Variants in NEBL observed in about 807,000 individuals in gnomAD.
NEBL encodes the protein LIM and SH3 protein 2.
In NEBL, 122 loss-of-function variants were observed where a neutral mutation model predicts 140.2. The observed-to-expected ratio is 0.87, with a 90% CI of 0.75 to 1.01. The LOEUF is 1.01. Ranked by LOEUF, NEBL falls within the 50% of genes least tolerant of loss-of-function variation. NEBL has a pLI of 0.00. For synonymous variants in NEBL, 436 were observed against 398.9 expected (o/e 1.09, Z -1.11); for missense variants, 1,365 against 1,231.3 (o/e 1.11, Z -1.62).
intron 2 of NEBL, among the ~76,000 whole-genome samples, chr10:21,070,258 A>G (rs1293477658): frequency 6.6e-6 from 1 of 152,192 alleles, no homozygotes; most frequent in Non-Finnish European, 1.5e-5. Flanking sequence ...CTATGAAAAG[A>G]AAAGCTGATT....
chr10:20,791,682 C>T (rs1835995726), intron 26 of NEBL, among the ~76,000 whole-genome samples: 1 of 152,042 alleles, frequency 6.6e-6, no homozygotes, highest in Non-Finnish European at 1.5e-5. Flanking sequence ...GGCGTGAGCA[C>T]TGCACCATGC....
intron 21 of NEBL, 156 bp from the exon 22 acceptor site, chr10:20,815,873 A>T: frequency 1.5e-6 from 1 of 653,378 alleles, no homozygotes; most frequent in Admixed American, 2.2e-5. Context: ...GGCTCAGGCA[A>T]TCCTCCCACC....
At chr10:20,984,208 A>C (rs1457690812) in intron 3 of NEBL, among the ~76,000 whole-genome samples, 4 of 152,110 alleles carry the variant, frequency 2.6e-5, no homozygotes, top group African/African-American at 9.7e-5. Flanking sequence ...AAAATCTAAT[A>C]TCAAACTTGT....
intron 2 of NEBL, among the ~76,000 whole-genome samples, chr10:21,035,734 C>T (rs1221928054): frequency 1.1e-5 from 1 of 94,206 alleles, no homozygotes; most frequent in Non-Finnish European, 2.4e-5. Context: ...TCCTTATTAC[C>T]TTCAAAATCA....
intron 1 of NEBL, among the ~76,000 whole-genome samples, chr10:21,260,225 C>G (rs1407843093): frequency 6.6e-6 from 1 of 152,202 alleles, no homozygotes; most frequent in Non-Finnish European, 1.5e-5. Flanking sequence ...ACTTCTGCAG[C>G]CTCTAGCCCT....
intron 19 of NEBL, among the ~76,000 whole-genome samples, chr10:20,821,718 C>T (rs1017693841): frequency 6.6e-6 from 1 of 152,094 alleles, no homozygotes; most frequent in African/African-American, 2.4e-5. Context: ...TACCGGAATG[C>T]CATAATGGTA....
chr10:21,000,988 C>T (rs1180397458), intron 3 of NEBL, among the ~76,000 whole-genome samples: 1 of 152,162 alleles, frequency 6.6e-6, no homozygotes, highest in Non-Finnish European at 1.5e-5. Context: ...AGGGTCCTGA[C>T]TTCCTGGTCA....
exon 1 of NEBL, chr10:21,174,168 C>G (rs1184186045): frequency 5.0e-6 from 2 of 398,906 alleles, no homozygotes; most frequent in South Asian, 9.6e-5. Context: ...TCCCCCGCCT[C>G]GCCGCCGCCG....
chr10:21,119,857 T>C (rs933128327), intron 2 of NEBL, among the ~76,000 whole-genome samples: 2 of 152,100 alleles, frequency 1.3e-5, no homozygotes, highest in African/African-American at 2.4e-5. Flanking sequence ...TACATTTAGA[T>C]GTCATATCTC....
At chr10:21,041,197 C>A (rs980975656) in intron 2 of NEBL, among the ~76,000 whole-genome samples, 1 of 152,206 alleles carries the variant, frequency 6.6e-6, no homozygotes, top group African/African-American at 2.4e-5. Context: ...TCAGTCCTCA[C>A]TCTCCTCCCA....
chr10:21,157,735 C>T (rs1383900222), intron 2 of NEBL, among the ~76,000 whole-genome samples: 2 of 152,042 alleles, frequency 1.3e-5, no homozygotes, highest in African/African-American at 4.8e-5. Context: ...GTATTGGAGT[C>T]CAAAAAGTGT....
chr10:21,207,444 T>A (rs1385444553), intron 3 of NEBL, among the ~76,000 whole-genome samples: 1 of 152,170 alleles, frequency 6.6e-6, no homozygotes, highest in Non-Finnish European at 1.5e-5. Context: ...ATTAACTCTA[T>A]AAAGATGGCA....
chr10:20,869,869 A>G (rs1844742820), intron 5 of NEBL, 28 bp from the exon 6 acceptor site: 4 of 1,380,446 alleles, frequency 2.9e-6, no homozygotes, highest in Non-Finnish European at 4.1e-6. Flanking sequence ...TGGTTAAAAA[A>G]TAAATAAATT....
intron 1 of NEBL, among the ~76,000 whole-genome samples, chr10:21,284,386 C>G (rs901736338): frequency 3.3e-5 from 5 of 152,066 alleles, no homozygotes; most frequent in African/African-American, 1.2e-4. Context: ...GCTCTTCCTG[C>G]AGCCCACCCT....
chr10:20,896,648 A>G (rs981789077), intron 2 of NEBL, among the ~76,000 whole-genome samples: 2 of 151,892 alleles, frequency 1.3e-5, no homozygotes, highest in Admixed American at 1.3e-4. Flanking sequence ...TCATTTTAAA[A>G]TCTTTGGGGG....
Position 20,783,226 on chromosome 10 carries a change from A to G in NEBL, c.*2521T>C, listed in dbSNP as rs1835146308. ...AATAGCACTTTGGTTTTATACATAT[A>G]ATTTTCCAATATTTCTCCTGAGATG... On this transcript the variant is annotated 3_prime_UTR_variant, in exon 28 of 28. Transcript: ENST00000377122. 1 of 152,136 alleles carries G rather than the reference A, an allele frequency of 6.6e-6. No homozygotes were observed. The highest frequency in any genetic ancestry group is 6.6e-5 in the Admixed American group (1 of 15,264). 9.4% of individuals were successfully genotyped at this position (152,136 alleles called of 1,614,324 possible). A position where few individuals can be genotyped will look rare whatever the true frequency, so the allele number is the denominator to read the frequency against.
rs530379011 is a variant in NEBL, at chr10:20,824,034, G to A, written c.1870-734C>T. On this transcript the variant is annotated intron_variant, in intron 18 of 27. Coordinates refer to ENST00000377122, the MANE Select transcript of NEBL (RefSeq NM_006393.3). ...TAGAGGAAGATCAATCAGGCAAATGGTAATACAAGCATACAGTTATGCACG... is the reference window on the plus strand; with the variant it reads ...TAGAGGAAGATCAATCAGGCAAATGATAATACAAGCATACAGTTATGCACG... Among the ~76,000 whole-genome samples, 49 of 152,172 alleles carry A rather than the reference G, an allele frequency of 3.2e-4. No individual in the cohort carries two copies. In the South Asian group the frequency reaches 0.01, roughly 32 times the overall value.
At position 21,224,017 on chromosome 10, in the gene NEBL, A is replaced by G. The variant is rs146111125; in HGVS notation, n.348+23904T>C. Among the ~76,000 whole-genome samples, 1,427 of 152,278 alleles carry G rather than the reference A, an allele frequency of 9.4e-3. 10 individuals are homozygous for G. The highest frequency in any genetic ancestry group is 0.016 in the Non-Finnish European group (1,059 of 68,028). On this transcript the variant is annotated intron_variant and non_coding_transcript_variant, in intron 3 of 8. Transcript: ENST00000675702. ...CTTCGATAATGTTTCTTTGCTGTGC[A>G]GAAGCTTTTTAACTTGGTGAGATCC...
intron 26 of NEBL, among the ~76,000 whole-genome samples, chr10:20,788,612 T>G (rs1248661699): frequency 6.6e-6 from 1 of 152,166 alleles, no homozygotes; most frequent in East Asian, 1.9e-4. Flanking sequence ...TATTACAAAT[T>G]ATGCTTAATG....
Sources: allele counts gnomAD v4.1 joint callset (sites outside exome capture counted in the v4.1 genomes callset), GRCh38; gene constraint gnomAD v4.1.1; transcripts MANE v1.5; gene names NCBI Gene and HGNC (gene_info 2026-07-23, HGNC 2026-07-21).